SCML2: variants seen among roughly 807,000 people sequenced by gnomAD.
SCML2 encodes the protein sex comb on midleg-like protein 2.
A neutral mutation model predicts 48.4 loss-of-function variants in SCML2; 6 were observed. The ratio of observed to expected loss-of-function variants is 0.12; its 90% CI spans 0.07 to 0.24. The LOEUF is 0.24. SCML2 is among the 10% of genes least tolerant of loss of function. The pLI is 1.00. For missense variants in SCML2, 377 were observed against 528.2 expected (o/e 0.71, Z 2.81); for synonymous variants, 181 against 189.5 (o/e 0.95, Z 0.37).
At chrX:18,354,982 C>T (rs746048965), upstream of SCML2, among the ~76,000 whole-genome samples, 276 of 111,806 alleles carry the variant, frequency 2.5e-3, no homozygotes, top group Middle Eastern at 9.1e-3. Context: ...CCGGGTTCCA[C>T]GTCAAGTTCC....
chrX:18,271,411 T>A (rs1927454180), intron 7 of SCML2, among the ~76,000 whole-genome samples: 1 of 109,607 alleles, frequency 9.1e-6, no homozygotes, highest in East Asian at 2.9e-4. Flanking sequence ...AAGGCCATCA[T>A]CAAATTCACT....
At chrX:18,259,944 A>T (rs1330420960) in intron 9 of SCML2, among the ~76,000 whole-genome samples, 1 of 112,161 alleles carries the variant, frequency 8.9e-6, no homozygotes, top group African/African-American at 3.2e-5. Flanking sequence ...AAAATACTTT[A>T]AGAGTATCTG....
intron 7 of SCML2, among the ~76,000 whole-genome samples, chrX:18,276,498 G>T (rs1013860220): frequency 9.0e-6 from 1 of 110,834 alleles, no homozygotes; most frequent in African/African-American, 3.3e-5. Context: ...ACATACATAC[G>T]TATACATACA....
intron 6 of SCML2, among the ~76,000 whole-genome samples, chrX:18,307,151 CA>C (rs1195175516): frequency 9.0e-6 from 1 of 110,519 alleles, no homozygotes; most frequent in Non-Finnish European, 1.9e-5. Flanking sequence ...GGCATGGTGG[CA>C]GCACACCTGT....
chrX:18,325,074 T>A, intron 3 of SCML2, 97 bp from the exon 4 acceptor site: 1 of 438,907 alleles, frequency 2.3e-6, no homozygotes. Flanking sequence ...TTTAGTTCCA[T>A]GCCTCTTAAA....
chrX:18,266,109 G>C (rs1313728466), intron 7 of SCML2, among the ~76,000 whole-genome samples: 2 of 110,904 alleles, frequency 1.8e-5, no homozygotes, highest in East Asian at 5.7e-4. Flanking sequence ...TATTTTTATG[G>C]GAAGCACAAA....
intron 12 of SCML2, 30 bp downstream of exon 12, chrX:18,247,739 C>T (rs1219297912): frequency 1.8e-5 from 18 of 1,026,498 alleles, no homozygotes; most frequent in Non-Finnish European, 2.3e-5. Context: ...ACATTTCTTC[C>T]CAGTCCTGGG....
intron 1 of SCML2, chrX:18,341,138 A>C (rs1348401027): frequency 4.7e-6 from 1 of 213,260 alleles, no homozygotes. Context: ...AGGCACTGGC[A>C]GGGAATGCGG....
Position 18,241,074 on chromosome X carries a change from T to C in SCML2, c.*177A>G, listed in dbSNP as rs1286187625. The C allele has an allele frequency of 1.3e-5, 4 of 301,002 alleles. No individual in the cohort carries two copies. The highest frequency in any genetic ancestry group is 2.3e-5 in the Non-Finnish European group (4 of 177,712). The allele number at this position is 301,002 out of a possible 1,213,427, so 24.8% of individuals were successfully genotyped here. A position where few individuals can be genotyped will look rare whatever the true frequency, so the allele number is the denominator to read the frequency against. ...TGGCGGCTGTGTCTCCCAAAGCTGGTTGGTGACTCCAGGAAAAAAACAAAG... is the reference window on the plus strand; with the variant it reads ...TGGCGGCTGTGTCTCCCAAAGCTGGCTGGTGACTCCAGGAAAAAAACAAAG... On this transcript the variant is annotated 3_prime_UTR_variant, in exon 15 of 15. Coordinates refer to ENST00000251900, the MANE Select transcript of SCML2 (RefSeq NM_006089.3).
intron 7 of SCML2, among the ~76,000 whole-genome samples, chrX:18,275,246 C>T (rs1440465481): frequency 8.9e-6 from 1 of 112,570 alleles, no homozygotes; most frequent in Non-Finnish European, 1.9e-5. Flanking sequence ...TAAACCTCTT[C>T]AAACATTTTA....
At chrX:18,305,704 A>C (rs916109286) in intron 6 of SCML2, among the ~76,000 whole-genome samples, 5 of 110,393 alleles carry the variant, frequency 4.5e-5, no homozygotes, top group Admixed American at 3.9e-4. Flanking sequence ...ACATCAGATA[A>C]TATCCTAAAA....
chrX:18,351,021 C>T (rs993597888), intron 1 of SCML2, among the ~76,000 whole-genome samples: 1 of 110,715 alleles, frequency 9.0e-6, no homozygotes, highest in African/African-American at 3.3e-5. Context: ...GTAATCCCAG[C>T]ACTTTGGGAG....
chrX:18,278,097 G>A (rs1017358989), intron 7 of SCML2, among the ~76,000 whole-genome samples: 1 of 112,387 alleles, frequency 8.9e-6, no homozygotes, highest in South Asian at 3.7e-4. Context: ...GGCAGAGACT[G>A]CAGTGAGCTG....
At position 18,305,123 on chromosome X, in the gene SCML2, G is replaced by A; in HGVS notation, c.579C>T (p.Thr193=). The A allele has an allele frequency of 8.3e-7, 1 of 1,210,541 alleles. No individual in the cohort carries two copies. Residue 193 remains threonine, a synonymous_variant, in exon 7 of 15, where the codon ACC becomes ACT. Coordinates refer to ENST00000251900, the MANE Select transcript of SCML2 (RefSeq NM_006089.3). ...KKNPYLICPA[T]IGDVKGDEVH... ...CTTCATCCCCTTTAACATCTCCAAT[G>A]GTCGCAGGACAGATGAGATACGGGT...
intron 7 of SCML2, among the ~76,000 whole-genome samples, chrX:18,293,041 A>G (rs1422675826): frequency 8.9e-6 from 1 of 111,747 alleles, no homozygotes; most frequent in African/African-American, 3.2e-5. Flanking sequence ...AGTAGTATGA[A>G]GCCAAATACC....
intron 7 of SCML2, among the ~76,000 whole-genome samples, chrX:18,289,722 T>C (rs1928168926): frequency 8.9e-6 from 1 of 111,852 alleles, no homozygotes; most frequent in Non-Finnish European, 1.9e-5. Flanking sequence ...AGTTGGTGAA[T>C]ACATGCATTA....
At chrX:18,354,792 C>T (rs1169328568), upstream of SCML2, 2 of 147,166 alleles carry the variant, frequency 1.4e-5, no homozygotes, top group Non-Finnish European at 2.6e-5. Context: ...TGACCGCCGC[C>T]GCGTGCGGGG....
At chrX:18,340,543 C>T (rs1014916202) in intron 1 of SCML2, among the ~76,000 whole-genome samples, 1 of 112,472 alleles carries the variant, frequency 8.9e-6, no homozygotes, top group Non-Finnish European at 1.9e-5. Flanking sequence ...GATGTGGTGG[C>T]TCACGCCTGT....
At chrX:18,345,241 T>A (rs1227784583) in intron 1 of SCML2, among the ~76,000 whole-genome samples, 1 of 111,277 alleles carries the variant, frequency 9.0e-6, no homozygotes, top group Non-Finnish European at 1.9e-5. Context: ...GGGGGCAGTA[T>A]CACATCTCGT....
Sources: gnomAD v4.1 joint callset for allele counts (sites outside exome capture counted in the v4.1 genomes callset) on GRCh38, gnomAD v4.1.1 for gene constraint, MANE v1.5 for transcripts, NCBI Gene and HGNC (gene_info 2026-07-23, HGNC 2026-07-21) for gene names.